Variants in CNTN4 observed in about 807,000 individuals in gnomAD.
CNTN4 encodes the protein contactin-4.
CNTN4 carries 77 observed loss-of-function variants against 122.5 expected under a neutral mutation model. The observed-to-expected ratio is 0.63, with a 90% CI of 0.52 to 0.76. CNTN4 has a LOEUF of 0.76. CNTN4 is among the 30% of genes least tolerant of loss of function. The pLI is 0.00. For synonymous variants in CNTN4, 512 were observed against 447.0 expected, an observed-to-expected ratio of 1.15 and a Z score of -1.83; for missense variants, 1,256 against 1,259.1, an observed-to-expected ratio of 1.00 and a Z score of 0.04.
At chr3:2,734,018 A>G (rs1161603979) in intron 4 of CNTN4, among the ~76,000 whole-genome samples, 1 of 152,124 alleles carries the variant, frequency 6.6e-6, no homozygotes, top group East Asian at 1.9e-4. Flanking sequence ...ATGTGTGTTT[A>G]TGGGAAAATA....
intron 24 of CNTN4, among the ~76,000 whole-genome samples, chr3:3,054,261 A>T (rs1424316477): frequency 6.6e-6 from 1 of 152,140 alleles, no homozygotes; most frequent in Non-Finnish European, 1.5e-5. Flanking sequence ...TTTGCATTGC[A>T]TCTATTGTAG....
At chr3:2,400,451 C>CATATATATATATATATATATATATATATA (rs1559520108) in intron 3 of CNTN4, among the ~76,000 whole-genome samples, 18 of 107,984 alleles carry the variant, frequency 1.7e-4, no homozygotes, top group Non-Finnish European at 2.6e-4. Flanking sequence ...ATATATATAT[C>CATATATATATATATATATATATATATATA]TCTTTTTTTC....
intron 3 of CNTN4, among the ~76,000 whole-genome samples, chr3:2,437,811 A>C (rs2048307795): frequency 1.3e-5 from 2 of 152,172 alleles, no homozygotes; most frequent in Non-Finnish European, 1.5e-5. Context: ...ATTGGCAAGG[A>C]GGAAAGGGGC....
chr3:2,629,142 G>A (rs997833372), intron 4 of CNTN4, among the ~76,000 whole-genome samples: 7 of 152,128 alleles, frequency 4.6e-5, no homozygotes, highest in Non-Finnish European at 7.3e-5. Flanking sequence ...TAAGGGTGTG[G>A]CACCAATCCA....
chr3:2,828,101 C>T (rs1022270994), intron 7 of CNTN4, among the ~76,000 whole-genome samples: 7 of 151,990 alleles, frequency 4.6e-5, no homozygotes, highest in African/African-American at 1.7e-4. Context: ...CATTCTCTCT[C>T]TCTCTCTCTC....
chr3:2,807,958 C>G (rs777832091), intron 6 of CNTN4, among the ~76,000 whole-genome samples: 1 of 152,170 alleles, frequency 6.6e-6, no homozygotes, highest in Non-Finnish European at 1.5e-5. Context: ...GAACATCGAT[C>G]TAGTTTCATT....
At chr3:2,891,852 G>T (rs1362916747) in intron 10 of CNTN4, among the ~76,000 whole-genome samples, 1 of 152,176 alleles carries the variant, frequency 6.6e-6, no homozygotes, top group African/African-American at 2.4e-5. Context: ...TTTGATTAAT[G>T]TTTTGAAAAG....
At chr3:2,694,105 C>G (rs1023021971) in intron 4 of CNTN4, among the ~76,000 whole-genome samples, 3 of 152,150 alleles carry the variant, frequency 2.0e-5, no homozygotes, top group Non-Finnish European at 4.4e-5. Context: ...CAAGTCTTTG[C>G]CTGTTTCTGG....
At chr3:2,593,209 GA>G (rs1171057508) in intron 4 of CNTN4, among the ~76,000 whole-genome samples, 23 of 152,148 alleles carry the variant, frequency 1.5e-4, no homozygotes, top group Non-Finnish European at 3.4e-4. Flanking sequence ...AGCTGAAATT[GA>G]AATCATTTTT....
chr3:3,002,449 G>C (rs1696144879), intron 14 of CNTN4, among the ~76,000 whole-genome samples: 1 of 152,200 alleles, frequency 6.6e-6, no homozygotes, highest in South Asian at 2.1e-4. Flanking sequence ...GAGATAGAGA[G>C]AGAGAGAAAT....
At chr3:2,855,724 G>C (rs1277717001) in intron 7 of CNTN4, among the ~76,000 whole-genome samples, 1 of 152,190 alleles carries the variant, frequency 6.6e-6, no homozygotes, top group Non-Finnish European at 1.5e-5. Context: ...TTTAGCGTAA[G>C]TCACATCAGG....
intron 3 of CNTN4, among the ~76,000 whole-genome samples, chr3:2,375,220 G>T (rs2045772491): frequency 1.3e-5 from 2 of 152,156 alleles, no homozygotes; most frequent in Non-Finnish European, 2.9e-5. Flanking sequence ...TATTATCTGA[G>T]GCATTATTTT....
intron 3 of CNTN4, among the ~76,000 whole-genome samples, chr3:2,552,694 CTTTAT>C (rs1006215838): frequency 6.6e-6 from 1 of 152,070 alleles, no homozygotes; most frequent in Non-Finnish European, 1.5e-5. Context: ...AGAGAGGAGA[CTTTAT>C]TTTAAAAGGC....
chr3:2,678,404 A>T (rs1480386288), intron 4 of CNTN4, among the ~76,000 whole-genome samples: 1 of 152,088 alleles, frequency 6.6e-6, no homozygotes, highest in East Asian at 1.9e-4. Flanking sequence ...TACATGTTCG[A>T]CTTTATCTTA....
At chr3:2,607,372 A>G (rs553986201) in intron 4 of CNTN4, among the ~76,000 whole-genome samples, 1 of 152,268 alleles carries the variant, frequency 6.6e-6, no homozygotes, top group South Asian at 2.1e-4. Flanking sequence ...TAATAGCAAA[A>G]TGGTAGAAGC....
intron 4 of CNTN4, among the ~76,000 whole-genome samples, chr3:2,679,004 C>T (rs1039261412): frequency 6.6e-6 from 1 of 152,040 alleles, no homozygotes; most frequent in Non-Finnish European, 1.5e-5. Context: ...TGAAATGCCC[C>T]CTATATATCT....
intron 3 of CNTN4, among the ~76,000 whole-genome samples, chr3:2,429,800 G>T (rs1012297886): frequency 6.6e-6 from 1 of 152,150 alleles, no homozygotes; most frequent in African/African-American, 2.4e-5. Context: ...CCCTCCCCCA[G>T]CCTTGCTGCC....
At chr3:2,125,420 A>G (rs1375175561) in intron 2 of CNTN4, among the ~76,000 whole-genome samples, 4 of 151,460 alleles carry the variant, frequency 2.6e-5, no homozygotes, top group African/African-American at 7.3e-5. Context: ...GGTTGTTTCC[A>G]TATCTTGACT....
At chr3:2,630,338 C>T (rs1288514165) in intron 4 of CNTN4, among the ~76,000 whole-genome samples, 1 of 152,124 alleles carries the variant, frequency 6.6e-6, no homozygotes, top group African/African-American at 2.4e-5. Context: ...ACTCGGGAGG[C>T]TGAGGTGGGA....
Sources: allele counts gnomAD v4.1 joint callset (sites outside exome capture counted in the v4.1 genomes callset), GRCh38; gene constraint gnomAD v4.1.1; transcripts MANE v1.5; gene names NCBI Gene and HGNC (gene_info 2026-07-23, HGNC 2026-07-21).